The following SAMD8 variants were observed in gnomAD, a reference collection of about 807,000 sequenced individuals.
SAMD8 encodes sterile alpha motif domain containing 8, also known as sphingomyelin synthase-related protein 1.
In SAMD8, 20 loss-of-function variants were observed where a neutral mutation model predicts 42.0. The observed-to-expected ratio is 0.48, with a 90% CI of 0.34 to 0.69. The LOEUF is 0.69. Among genes scored for constraint, SAMD8 ranks in the 30% least tolerant of loss-of-function variants. The pLI is 0.01. For missense variants in SAMD8, 328 were observed against 511.6 expected (o/e 0.64, Z 3.46); for synonymous variants, 162 against 173.0 (o/e 0.94, Z 0.50).
chr10:75,168,183 A>G (rs568926700), intron 3 of SAMD8, among the ~76,000 whole-genome samples: 1 of 152,262 alleles, frequency 6.6e-6, no homozygotes, highest in Non-Finnish European at 1.5e-5. Flanking sequence ...TTTTCTTATC[A>G]GTGAAATGAT....
intron 4 of SAMD8, among the ~76,000 whole-genome samples, chr10:75,172,129 G>A (rs984075405): frequency 6.6e-6 from 1 of 151,866 alleles, no homozygotes; most frequent in African/African-American, 2.4e-5. Flanking sequence ...TCACCCTCTT[G>A]CCAGCAGTGC....
intron 1 of SAMD8, among the ~76,000 whole-genome samples, chr10:75,131,610 A>G (rs1026348105): frequency 3.3e-5 from 5 of 152,178 alleles, no homozygotes; most frequent in Admixed American, 1.3e-4. Flanking sequence ...TCTACAATTT[A>G]TATATTTCTG....
intron 3 of SAMD8, among the ~76,000 whole-genome samples, chr10:75,166,691 G>A (rs1346347313): frequency 6.6e-6 from 1 of 152,162 alleles, no homozygotes; most frequent in African/African-American, 2.4e-5. Flanking sequence ...AAAACCAGAG[G>A]TGGTTTTAAA....
intron 1 of SAMD8, among the ~76,000 whole-genome samples, chr10:75,127,033 AC>A (rs1202405154): frequency 6.6e-6 from 1 of 152,072 alleles, no homozygotes; most frequent in Non-Finnish European, 1.5e-5. Flanking sequence ...ACTAAAAAAT[AC>A]AAAAATTAGT....
Position 75,124,612 on chromosome 10 carries a change from CA to C in SAMD8, c.-16+12907del, listed in dbSNP as rs35025534. 5.4e-3 allele frequency among the ~76,000 whole-genome samples: 486 copies of C among 90,528 alleles called. 1 individual carries two copies. Among genetic ancestry groups the C allele is most frequent in the Middle Eastern group, 0.013 (2 of 156 alleles). The allele number at this position is 90,528 out of a possible 152,430, so 59.4% of individuals were successfully genotyped here. On this transcript the variant is annotated intron_variant, in intron 1 of 5. Coordinates refer to ENST00000542569, the MANE Select transcript of SAMD8 (RefSeq NM_001174156.2). ...TGGGTGACAGAACGAGACTCCATCT[CA>C]AAAAAAAAAAAAAAAAGGTACCTGT...
chr10:75,108,864 C>CG (rs1848679831), upstream of SAMD8: 12 of 1,103,408 alleles, frequency 1.1e-5, no homozygotes, highest in Non-Finnish European at 1.5e-5. Flanking sequence ...TCAGCACCCC[C>CG]GGGGGTCCTG....
In SAMD8 at chr10:75,172,537, G is replaced by A. The variant is rs542513142; in HGVS notation, c.793-3529G>A. Among the ~76,000 whole-genome samples, 4 of 150,154 alleles carry A rather than the reference G, an allele frequency of 2.7e-5. No individual in the cohort carries two copies. In the South Asian group the frequency reaches 6.4e-4, roughly 24 times the overall value. ...TTTTTAGACGGAGTCTTTCTCTGTC[G>A]CCCCGGCTAGCGTGCGGTGGTGCGA... On this transcript the variant is annotated intron_variant, in intron 4 of 5. Coordinates refer to ENST00000542569, the MANE Select transcript of SAMD8 (RefSeq NM_001174156.2).
rs375941052 is a variant in SAMD8 at position 75,161,967 on chromosome 10, G to A, written c.579-2678G>A. 3.2e-4 allele frequency among the ~76,000 whole-genome samples: 49 copies of A among 150,960 alleles called. No homozygotes were observed. In the East Asian group the frequency reaches 5.8e-3, roughly 18 times the overall value. On this transcript the variant is annotated intron_variant, in intron 2 of 5. Transcript: ENST00000542569. ...CAGGGAGAATTGCTTGAACCCAGGAGGCAGAAGTGGCAGTAAGCCAAAATC... is the reference window on the plus strand; with the variant it reads ...CAGGGAGAATTGCTTGAACCCAGGAAGCAGAAGTGGCAGTAAGCCAAAATC...
upstream of SAMD8, among the ~76,000 whole-genome samples, chr10:75,109,385 G>A (rs916977567): frequency 6.6e-6 from 1 of 152,050 alleles, no homozygotes; most frequent in African/African-American, 2.4e-5. Context: ...CTACCACCCT[G>A]AACCTCAGTT....
Position 75,138,974 on chromosome 10 carries a change from T to G in SAMD8, c.-15-11540T>G, listed in dbSNP as rs928690723. On this transcript the variant is annotated intron_variant, in intron 1 of 5. Coordinates refer to ENST00000542569, the MANE Select transcript of SAMD8 (RefSeq NM_001174156.2). ...TGGTTTTTTCTTTTTTTTTTTTTTT[T>G]TTTGAGACGGAGTTTCGCTCTTGCT... is the stretch of plus-strand genomic sequence containing the variant. Among the ~76,000 whole-genome samples the G allele has an allele frequency of 2.1e-4, 31 of 144,192 alleles. No homozygotes were observed. The East Asian group carries it at 6.2e-3, about 29-fold the overall frequency. The allele number at this position is 144,192 out of a possible 152,430, so 94.6% of individuals were successfully genotyped here. A position where few individuals can be genotyped will look rare whatever the true frequency, so the allele number is the denominator to read the frequency against.
At chr10:75,106,096 C>CTTTTT (rs933254809) in intron 1 of SAMD8, among the ~76,000 whole-genome samples, 3 of 109,026 alleles carry the variant, frequency 2.8e-5, no homozygotes, top group East Asian at 5.6e-4. Context: ...TCTTTTCTTT[C>CTTTTT]TTTTCTTTTT....
intron 3 of SAMD8, 79 bp from the exon 4 acceptor site, chr10:75,168,462 T>C: frequency 1.3e-6 from 2 of 1,576,796 alleles, no homozygotes; most frequent in Non-Finnish European, 1.7e-6. Context: ...TGCTCTTCCT[T>C]GAAGTAAATA....
chr10:75,101,849 T>C (rs1398456813), intron 1 of SAMD8: 1 of 1,358,230 alleles, frequency 7.4e-7, no homozygotes, highest in Non-Finnish European at 9.8e-7. Context: ...CCCCCCCAAA[T>C]TAGGAGCACT....
intron 1 of SAMD8, among the ~76,000 whole-genome samples, chr10:75,132,963 T>TG (rs943090893): frequency 6.6e-6 from 1 of 152,134 alleles, no homozygotes; most frequent in African/African-American, 2.4e-5. Flanking sequence ...CACTCCAGCC[T>TG]GAGCAACAGA....
At chr10:75,154,328 G>A (rs951467312) in intron 2 of SAMD8, among the ~76,000 whole-genome samples, 2 of 152,190 alleles carry the variant, frequency 1.3e-5, no homozygotes, top group African/African-American at 4.8e-5. Flanking sequence ...CGTGTATCTT[G>A]TCTCCCCTTC....
intron 1 of SAMD8, among the ~76,000 whole-genome samples, chr10:75,129,917 C>A (rs1849237244): frequency 6.6e-6 from 1 of 152,072 alleles, no homozygotes; most frequent in Non-Finnish European, 1.5e-5. Flanking sequence ...CTGTTCTAGA[C>A]TAAAAGACAC....
chr10:75,101,304 G>A (rs1848142330), intron 1 of SAMD8, among the ~76,000 whole-genome samples: 1 of 152,212 alleles, frequency 6.6e-6, no homozygotes, highest in South Asian at 2.1e-4. Context: ...ACCTCCCACA[G>A]GGTCTGTCTT....
At chr10:75,155,457 C>CA (rs369963500) in intron 2 of SAMD8, among the ~76,000 whole-genome samples, 2,096 of 105,558 alleles carry the variant, frequency 0.02, 18 homozygotes, top group Middle Eastern at 0.03. Context: ...AGAAGCCAAG[C>CA]AAAAAAAAAA....
Position 75,176,501 on chromosome 10 carries a change from T to G in SAMD8, c.1057T>G (p.Phe353Val). Residue 353 changes from phenylalanine to valine, a missense_variant, in exon 6 of 6, where the codon TTT (phenylalanine) becomes GTT (valine). Physicochemically the swap from Phe to Val is conservative, Grantham distance 50 (BLOSUM62 -1). Coordinates refer to ENST00000542569, the MANE Select transcript of SAMD8 (RefSeq NM_001174156.2). The surrounding 1 kb of genome is among the most constrained non-coding windows in gnomAD (Gnocchi z 4.3). Reference sequence around the variant, plus strand: ...TTATTCTATTGATGTGTTTATTGCTTTTTATATAACAACAAGACTCTTTTT... The same window carrying G: ...TTATTCTATTGATGTGTTTATTGCTGTTTATATAACAACAAGACTCTTTTT... ...EHYSIDVFIA[F>V]YITTRLFLYY... 6.4e-7 allele frequency: 1 copy of G among 1,550,840 alleles called. No homozygotes were observed. Among genetic ancestry groups the G allele is most frequent in the Non-Finnish European group, 8.7e-7 (1 of 1,147,016 alleles).
Sources: allele counts gnomAD v4.1 joint callset (sites outside exome capture counted in the v4.1 genomes callset), GRCh38; gene constraint gnomAD v4.1.1; non-coding constraint Gnocchi (gnomAD v3.1); transcripts MANE v1.5; gene names NCBI Gene and HGNC (gene_info 2026-07-23, HGNC 2026-07-21).